Variants in MIA2 observed in about 807,000 individuals in gnomAD.
MIA2 encodes the protein melanoma inhibitory activity protein 2.
In MIA2, 127 loss-of-function variants were observed where a neutral mutation model predicts 167.8. The ratio of observed to expected loss-of-function variants is 0.76; its 90% CI spans 0.66 to 0.88. The LOEUF (loss-of-function observed/expected upper bound fraction) is 0.88, where lower values mean the gene tolerates loss of function less well. Among genes scored for constraint, MIA2 ranks in the 40% least tolerant of loss-of-function variants. MIA2 has a pLI of 0.00. For synonymous variants in MIA2, 552 were observed against 541.9 expected (o/e 1.02, Z -0.26); for missense variants, 1,690 against 1,624.7 (o/e 1.04, Z -0.69).
chr14:39,359,992 G>GTTTTTTTTTTTTTTTTT (rs58076493), intron 23 of MIA2, among the ~76,000 whole-genome samples: 1 of 128,818 alleles, frequency 7.8e-6, no homozygotes. Context: ...TCTGCAGCAT[G>GTTTTTTTTTTTTTTTTT]TTTTTTTTTT....
At chr14:39,339,859 G>C (rs1034997031) in intron 25 of MIA2, among the ~76,000 whole-genome samples, 1 of 151,972 alleles carries the variant, frequency 6.6e-6, no homozygotes, top group Non-Finnish European at 1.5e-5. Context: ...ATTTTGTTTT[G>C]TTTTGAGACA....
chr14:39,375,478 C>T (rs1359201207), intron 23 of MIA2, among the ~76,000 whole-genome samples: 3 of 152,110 alleles, frequency 2.0e-5, no homozygotes, highest in African/African-American at 7.2e-5. Flanking sequence ...GACGGATTGC[C>T]TGAGCTCAGA....
rs569165733 is a variant in MIA2, at chr14:39,312,720, C to G, written c.3018-620C>G. Among the ~76,000 whole-genome samples the G allele has an allele frequency of 2.6e-5, 4 of 152,106 alleles. No homozygotes were observed. In the South Asian group the frequency reaches 8.3e-4, roughly 32 times the overall value. On this transcript the variant is annotated intron_variant, in intron 18 of 28. Transcript: ENST00000640607. ...AAGATGGGATAACAGTACCACCCTT[C>G]TTGTAGAGCTGTTGTGGTAATTAAA... is the stretch of plus-strand genomic sequence containing the variant.
chr14:39,293,732 T>C (rs1282439347), intron 11 of MIA2, among the ~76,000 whole-genome samples: 4 of 152,208 alleles, frequency 2.6e-5, no homozygotes, highest in Non-Finnish European at 4.4e-5. Flanking sequence ...TCTTGATGTA[T>C]GTGAGATTAT....
intron 25 of MIA2, among the ~76,000 whole-genome samples, chr14:39,344,829 C>T (rs1487350786): frequency 1.3e-5 from 2 of 152,132 alleles, no homozygotes; most frequent in South Asian, 2.1e-4. Flanking sequence ...GAGAAACTAC[C>T]TATACTTTTT....
intron 6 of MIA2, among the ~76,000 whole-genome samples, chr14:39,253,881 A>C (rs2054697338): frequency 6.6e-6 from 1 of 152,222 alleles, no homozygotes; most frequent in Admixed American, 6.5e-5. Flanking sequence ...GATCTTTTAC[A>C]AATGTTCCTT....
chr14:39,366,356 G>A (rs75825679), intron 23 of MIA2, among the ~76,000 whole-genome samples: 8 of 152,306 alleles, frequency 5.3e-5, no homozygotes, highest in South Asian at 2.1e-4. Context: ...TGGGCCAGGC[G>A]GGTGGGTTGT....
At chr14:39,279,193 A>C (rs2058579047) in intron 7 of MIA2, 144 bp from the exon 8 acceptor site, 2 of 589,304 alleles carry the variant, frequency 3.4e-6, no homozygotes, top group African/African-American at 3.9e-5. Context: ...TTATTTTCTC[A>C]TTGGAAACAG....
In MIA2 at chr14:39,235,176, T is replaced by C. The variant is rs182293236; in HGVS notation, c.115+947T>C. Among the ~76,000 whole-genome samples the C allele has an allele frequency of 4.3e-3, 655 of 152,046 alleles. 2 individuals carry two copies. The highest frequency in any genetic ancestry group is 7.1e-3 in the Non-Finnish European group (481 of 67,954). ...TCAGCCTCCCAAGTTGCTGGGATTATAGGCGCACGCCACCACACCTGGTTA... is the reference window on the plus strand; with the variant it reads ...TCAGCCTCCCAAGTTGCTGGGATTACAGGCGCACGCCACCACACCTGGTTA... On this transcript the variant is annotated intron_variant, in intron 1 of 28. Transcript: ENST00000640607.
chr14:39,251,949 G>C lies in MIA2; in HGVS notation c.1568-799G>C, dbSNP rs1452287619. On this transcript the variant is annotated intron_variant, in intron 4 of 28. Transcript: ENST00000640607. The stretch of plus-strand genomic sequence containing the variant: ...ACATAGCAGGAATGAAATCTGAAGG[G>C]AATCTATGTGCTGCCTTATTCTTAG... Among the ~76,000 whole-genome samples the C allele has an allele frequency of 2.0e-5, 3 of 152,110 alleles. No individual in the cohort carries two copies. In the East Asian group the frequency reaches 5.8e-4, roughly 29 times the overall value.
At chr14:39,356,831 G>T (rs1011135400) in intron 23 of MIA2, among the ~76,000 whole-genome samples, 2 of 152,168 alleles carry the variant, frequency 1.3e-5, no homozygotes, top group Admixed American at 6.6e-5. Context: ...TTCAGGAGGA[G>T]GTTGTTCAGT....
chr14:39,347,875 G>T, intron 27 of MIA2, 104 bp downstream of exon 27: 2 of 1,101,316 alleles, frequency 1.8e-6, no homozygotes, highest in Admixed American at 3.0e-5. Flanking sequence ...AAGCTGGAGT[G>T]CAGTGGCGCT....
intron 13 of MIA2, among the ~76,000 whole-genome samples, chr14:39,298,443 A>ATATATATATATATATATATATAT (rs1372100362): frequency 0.022 from 1,116 of 49,736 alleles, 142 homozygotes; most frequent in Middle Eastern, 0.048. Context: ...ATATATATAT[A>ATATATATATATATATATATATAT]AAGATTAGTT....
At chr14:39,354,903 C>G (rs1400353612), downstream of MIA2, among the ~76,000 whole-genome samples, 2 of 152,040 alleles carry the variant, frequency 1.3e-5, no homozygotes, top group African/African-American at 4.8e-5. Context: ...GGGCTCTGTT[C>G]TGTTCCATTG....
intron 9 of MIA2, among the ~76,000 whole-genome samples, chr14:39,283,448 A>C (rs1428215404): frequency 6.6e-6 from 1 of 152,112 alleles, no homozygotes; most frequent in Non-Finnish European, 1.5e-5. Flanking sequence ...TTTTCTCATC[A>C]ATGTTATAAT....
At chr14:39,352,262 C>T (rs773965908), downstream of MIA2, among the ~76,000 whole-genome samples, 25 of 146,770 alleles carry the variant, frequency 1.7e-4, no homozygotes, top group Non-Finnish European at 2.7e-4. Context: ...ATACTGGTTG[C>T]TCTCTTGGCC....
At chr14:39,266,970 G>A (rs41317316) in intron 6 of MIA2, 17,268 of 695,286 alleles carry the variant, frequency 0.025, 301 homozygotes, top group East Asian at 0.083. Context: ...ACGACAGCGC[G>A]GAGTATGAGG....
At chr14:39,285,765 C>T (rs1410326910) in intron 9 of MIA2, among the ~76,000 whole-genome samples, 11 of 149,266 alleles carry the variant, frequency 7.4e-5, no homozygotes, top group East Asian at 6.1e-4. Flanking sequence ...ACTTCTCAGA[C>T]GGGGCGGCTG....
intron 9 of MIA2, among the ~76,000 whole-genome samples, chr14:39,284,829 T>A (rs2059401823): frequency 6.6e-6 from 1 of 151,690 alleles, no homozygotes. Context: ...AGGACAATAG[T>A]GGAGGGAAGG....
Sources: gnomAD v4.1 joint callset for allele counts (sites outside exome capture counted in the v4.1 genomes callset) on GRCh38, gnomAD v4.1.1 for gene constraint, MANE v1.5 for transcripts, NCBI Gene and HGNC (gene_info 2026-07-23, HGNC 2026-07-21) for gene names.